The following PRTFDC1 variants were observed in gnomAD, a reference collection of about 807,000 sequenced individuals.
PRTFDC1 encodes phosphoribosyltransferase domain-containing protein 1.
Under a neutral mutation model 34.6 loss-of-function variants are expected in PRTFDC1, and 38 were observed. The observed-to-expected ratio is 1.10, with a 90% CI of 0.85 to 1.44. PRTFDC1 has a LOEUF of 1.44. Among genes scored for constraint, PRTFDC1 ranks in the 40% most tolerant of loss-of-function variants. PRTFDC1 has a pLI of 0.00. For missense variants in PRTFDC1, 270 were observed against 283.0 expected (o/e 0.95, Z 0.33); for synonymous variants, 93 against 98.1 (o/e 0.95, Z 0.31).
chr10:24,897,068 G>A (rs991104160), intron 3 of PRTFDC1, among the ~76,000 whole-genome samples: 8 of 152,106 alleles, frequency 5.3e-5, no homozygotes, highest in Admixed American at 5.2e-4. Context: ...AAATTTGCTG[G>A]GCATGGTGGC....
At chr10:24,910,079 T>C (rs1435152507) in intron 3 of PRTFDC1, among the ~76,000 whole-genome samples, 1 of 151,952 alleles carries the variant, frequency 6.6e-6, no homozygotes, top group Non-Finnish European at 1.5e-5. Context: ...GAGAATCGCT[T>C]GAACCCAGGA....
chr10:24,852,537 CCT>C (rs1240946954), intron 7 of PRTFDC1, among the ~76,000 whole-genome samples: 1 of 152,170 alleles, frequency 6.6e-6, no homozygotes, highest in East Asian at 1.9e-4. Context: ...CTCAGGAGAT[CCT>C]CTCACCTCAG....
intron 3 of PRTFDC1, among the ~76,000 whole-genome samples, chr10:24,880,915 T>G (rs945443570): frequency 2.3e-4 from 35 of 150,878 alleles, no homozygotes; most frequent in African/African-American, 7.8e-4. Context: ...CATCTTTCTT[T>G]CTTCCCTCTT....
intron 3 of PRTFDC1, among the ~76,000 whole-genome samples, chr10:24,905,884 C>T (rs758340532): frequency 3.3e-5 from 5 of 152,046 alleles, no homozygotes; most frequent in Admixed American, 6.6e-5. Context: ...TTGCAATCCC[C>T]GCTCCCTCCT....
At chr10:24,882,398 T>C (rs1258668265) in intron 3 of PRTFDC1, among the ~76,000 whole-genome samples, 2 of 152,102 alleles carry the variant, frequency 1.3e-5, no homozygotes, top group Non-Finnish European at 2.9e-5. Flanking sequence ...ATGAAAACTC[T>C]TTCAGCACAG....
At chr10:24,875,846 G>GTTTT (rs61379088) in intron 3 of PRTFDC1, among the ~76,000 whole-genome samples, 2 of 96,734 alleles carry the variant, frequency 2.1e-5, no homozygotes, top group African/African-American at 8.4e-5. Context: ...AATTCTCATA[G>GTTTT]TTTTTTTTTT....
chr10:24,870,076 C>T (rs1433782510), intron 4 of PRTFDC1, among the ~76,000 whole-genome samples: 2 of 152,072 alleles, frequency 1.3e-5, no homozygotes, highest in Admixed American at 1.3e-4. Context: ...GTGGAAAGGG[C>T]TCTAGTGGAA....
intron 3 of PRTFDC1, among the ~76,000 whole-genome samples, chr10:24,887,638 A>G (rs1435901293): frequency 1.3e-5 from 2 of 151,894 alleles, no homozygotes. Context: ...TCCTTATAGC[A>G]GAATGAGAAC....
intron 3 of PRTFDC1, among the ~76,000 whole-genome samples, chr10:24,894,290 T>C (rs1848313071): frequency 6.9e-6 from 1 of 145,596 alleles, no homozygotes; most frequent in South Asian, 2.1e-4. Context: ...AAGATCATGC[T>C]GCTGAACTCC....
chr10:24,900,505 C>T (rs1267962998), intron 3 of PRTFDC1, among the ~76,000 whole-genome samples: 1 of 152,190 alleles, frequency 6.6e-6, no homozygotes, highest in African/African-American at 2.4e-5. Context: ...AAAGGCAACA[C>T]CTCAGATCCT....
At chr10:24,929,052 A>AAAAAAAAAAAAG (rs1554765607) in intron 3 of PRTFDC1, among the ~76,000 whole-genome samples, 1 of 116,506 alleles carries the variant, frequency 8.6e-6, no homozygotes, top group Non-Finnish European at 1.7e-5. Context: ...AAAAAAAAAA[A>AAAAAAAAAAAAG]AAAGAAAGAA....
intron 3 of PRTFDC1, among the ~76,000 whole-genome samples, chr10:24,880,813 C>CTTTCTTTCTT (rs763527548): frequency 1.3e-4 from 15 of 115,016 alleles, no homozygotes; most frequent in African/African-American, 4.3e-4. Flanking sequence ...TACTGTCTTT[C>CTTTCTTTCTT]TCTTTCTTTC....
chr10:24,858,319 C>G, intron 5 of PRTFDC1, 73 bp downstream of exon 5: 1 of 1,525,464 alleles, frequency 6.6e-7, no homozygotes, highest in Non-Finnish European at 9.1e-7. Flanking sequence ...AATTTGATAA[C>G]AAGGTTTACC....
rs115521008 is a variant in PRTFDC1 at position 24,854,005 on chromosome 10, T to G, written c.553+1313A>C. ...AAGCTTGCTGTGCTCAATTTCCTCA[T>G]CTGTAAAATAGGTACAACAACAGCT... On this transcript the variant is annotated intron_variant, in intron 7 of 8. Coordinates refer to ENST00000320152, the MANE Select transcript of PRTFDC1 (RefSeq NM_020200.7). 1.8e-3 allele frequency among the ~76,000 whole-genome samples: 278 copies of G among 152,324 alleles called. 1 individual carries two copies. The highest frequency in any genetic ancestry group is 6.4e-3 in the African/African-American group (265 of 41,582).
chr10:24,909,648 T>C (rs898578883), intron 3 of PRTFDC1, among the ~76,000 whole-genome samples: 4 of 152,204 alleles, frequency 2.6e-5, no homozygotes, highest in African/African-American at 7.2e-5. Flanking sequence ...AAGACAAATA[T>C]GCTATACCTG....
At chr10:24,908,911 T>C (rs559435752) in intron 3 of PRTFDC1, 134 of 579,044 alleles carry the variant, frequency 2.3e-4, no homozygotes, top group African/African-American at 2.3e-3. Flanking sequence ...TTGTTCTAAA[T>C]GTAAAGTCTC....
At chr10:24,941,368 C>T (rs1174429471) in intron 2 of PRTFDC1, among the ~76,000 whole-genome samples, 1 of 132,004 alleles carries the variant, frequency 7.6e-6, no homozygotes. Context: ...TAAATTACAT[C>T]TTAATTTTTT....
intron 3 of PRTFDC1, among the ~76,000 whole-genome samples, chr10:24,899,510 C>A (rs1275053477): frequency 1.3e-5 from 2 of 152,038 alleles, no homozygotes; most frequent in African/African-American, 2.4e-5. Flanking sequence ...GACCAACGAC[C>A]GCATCCTCCA....
rs567113231 is a variant in PRTFDC1 at position 24,849,795 on chromosome 10, G to A, written c.*49C>T. On this transcript the variant is annotated 3_prime_UTR_variant, in exon 9 of 9. Coordinates refer to ENST00000320152, the MANE Select transcript of PRTFDC1 (RefSeq NM_020200.7). ...CTTGACAGCTGGCTTCCCAAGTACA[G>A]GCGTAAATATGATGCTATCTGGGAC... is the stretch of plus-strand genomic sequence containing the variant. 6.3e-6 allele frequency: 10 copies of A among 1,585,976 alleles called. No individual in the cohort carries two copies. The South Asian group carries it at 7.8e-5, about 12-fold the overall frequency.
Sources: gnomAD v4.1 joint callset for allele counts (sites outside exome capture counted in the v4.1 genomes callset) on GRCh38, gnomAD v4.1.1 for gene constraint, MANE v1.5 for transcripts, NCBI Gene and HGNC (gene_info 2026-07-23, HGNC 2026-07-21) for gene names.